The following TUSC3 variants were observed in gnomAD, a reference collection of about 807,000 sequenced individuals.
The protein encoded by TUSC3 is tumor suppressor candidate 3.
Under a neutral mutation model 44.8 loss-of-function variants are expected in TUSC3, and 45 were observed. The observed-to-expected ratio is 1.00, with a 90% CI of 0.79 to 1.29. TUSC3 has a LOEUF of 1.29. Among genes scored for constraint, TUSC3 ranks in the 50% most tolerant of loss-of-function variants. The probability of loss-of-function intolerance (pLI) is 0.00; values close to 1 mark genes in which losing one functional copy is unlikely to be tolerated. For missense variants in TUSC3, 519 were observed against 437.9 expected (o/e 1.19, Z -1.65); for synonymous variants, 212 against 152.9 (o/e 1.39, Z -2.85).
the TUSC3 span, among the ~76,000 whole-genome samples, chr8:15,850,367 A>G: frequency 0.93 from 141,838 of 152,222 alleles, 66,245 homozygotes; most frequent in Non-Finnish European, 0.97. Context: ...ATAGTTGATT[A>G]TATAAATGGC....
intron 1 of TUSC3, among the ~76,000 whole-genome samples, chr8:15,607,274 C>A (rs758141258): frequency 6.6e-6 from 1 of 151,978 alleles, no homozygotes; most frequent in South Asian, 2.1e-4. Context: ...AGGCAGGCAC[C>A]GGCCTGGTCA....
intron 10 of TUSC3, among the ~76,000 whole-genome samples, chr8:15,762,138 T>G (rs1308461338): frequency 6.6e-6 from 1 of 151,864 alleles, no homozygotes; most frequent in Non-Finnish European, 1.5e-5. Flanking sequence ...TCAGAAACGT[T>G]TTAACCAGTC....
intron 7 of TUSC3, among the ~76,000 whole-genome samples, chr8:15,742,078 A>G (rs168474): frequency 0.43 from 64,943 of 152,018 alleles, 14,367 homozygotes; most frequent in East Asian, 0.66. Flanking sequence ...TACCATACTG[A>G]TGATACAAAA....
intron 7 of TUSC3, chr8:15,743,320 AAT>A: frequency 1.8e-6 from 1 of 554,726 alleles, no homozygotes; most frequent in East Asian, 3.1e-5. Context: ...TTAGCCTCTC[AAT>A]ATATCACAAA....
At chr8:15,425,409 G>C (rs1295996655) in intron 1 of TUSC3, among the ~76,000 whole-genome samples, 3 of 152,188 alleles carry the variant, frequency 2.0e-5, no homozygotes, top group Non-Finnish European at 4.4e-5. Flanking sequence ...CCTGAAAGAA[G>C]TGCCATAATC....
At chr8:15,611,272 C>T (rs543100321) in intron 1 of TUSC3, among the ~76,000 whole-genome samples, 92 of 152,182 alleles carry the variant, frequency 6.0e-4, no homozygotes, top group Middle Eastern at 3.4e-3. Flanking sequence ...CTGCAAATCC[C>T]GCCTCCCAGG....
intron 1 of TUSC3, among the ~76,000 whole-genome samples, chr8:15,457,368 T>G (rs774313899): frequency 6.6e-6 from 1 of 151,730 alleles, no homozygotes; most frequent in Non-Finnish European, 1.5e-5. Context: ...AGTAGACTTT[T>G]CTGAAGAGAA....
chr8:15,438,464 C>T (rs552635578), intron 1 of TUSC3, among the ~76,000 whole-genome samples: 4 of 152,216 alleles, frequency 2.6e-5, no homozygotes, highest in Admixed American at 1.3e-4. Context: ...AGTCCTGGAA[C>T]CTTAATAATT....
At chr8:15,788,128 A>G in the TUSC3 span, among the ~76,000 whole-genome samples, 1 of 152,158 alleles carries the variant, frequency 6.6e-6, no homozygotes, top group African/African-American at 2.4e-5. Context: ...AGGACTTTTG[A>G]AAACCAGACA....
At chr8:15,535,600 A>G (rs1290510633), upstream of TUSC3, among the ~76,000 whole-genome samples, 1 of 152,198 alleles carries the variant, frequency 6.6e-6, no homozygotes, top group Non-Finnish European at 1.5e-5. Flanking sequence ...TGAGTCAGCT[A>G]GTGATGGATG....
At chr8:15,570,033 ATATT>A (rs1385808853) in intron 1 of TUSC3, among the ~76,000 whole-genome samples, 1 of 152,084 alleles carries the variant, frequency 6.6e-6, no homozygotes, top group African/African-American at 2.4e-5. Flanking sequence ...GATCCTATAT[ATATT>A]GATGGAAAAT....
At chr8:15,633,742 G>A (rs560364869) in intron 2 of TUSC3, among the ~76,000 whole-genome samples, 2 of 152,292 alleles carry the variant, frequency 1.3e-5, no homozygotes, top group South Asian at 2.1e-4. Context: ...GGCAAGGAAA[G>A]ATTCTCCCCT....
intron 1 of TUSC3, among the ~76,000 whole-genome samples, chr8:15,459,828 C>A (rs1053990783): frequency 5.5e-4 from 82 of 148,582 alleles, no homozygotes; most frequent in African/African-American, 2.1e-3. Context: ...AAGTAGTATT[C>A]CATTTGTGTG....
intron 6 of TUSC3, among the ~76,000 whole-genome samples, chr8:15,727,912 A>T (rs532084010): frequency 2.6e-5 from 4 of 152,286 alleles, no homozygotes; most frequent in Non-Finnish European, 5.9e-5. Flanking sequence ...ATTGAGGTTA[A>T]GTAGTTTGTT....
the TUSC3 span, among the ~76,000 whole-genome samples, chr8:15,807,687 A>G: frequency 6.6e-6 from 1 of 152,190 alleles, no homozygotes; most frequent in Non-Finnish European, 1.5e-5. Flanking sequence ...ACACCATACA[A>G]AAGAACAAAA....
In TUSC3 at chr8:15,504,604, TA is replaced by T. The variant is rs1563268547; in HGVS notation, n.189+21122del. Among the ~76,000 whole-genome samples the T allele has an allele frequency of 5.1e-3, 202 of 39,726 alleles. 2 individuals carry two copies. Among genetic ancestry groups the T allele is most frequent in the African/African-American group, 0.025 (175 of 6,934 alleles). 26.1% of individuals were successfully genotyped at this position (39,726 alleles called of 152,430 possible). ...ATATATATATATATATATATATATA[TA>T]TATATATATATATATATTTTTTTTT... is the stretch of plus-strand genomic sequence containing the variant. On this transcript the variant is annotated intron_variant and non_coding_transcript_variant, in intron 2 of 5. Coordinates refer to the TUSC3 transcript ENST00000503191.
intron 2 of TUSC3, among the ~76,000 whole-genome samples, chr8:15,488,925 A>G (rs1292732814): frequency 6.6e-6 from 1 of 152,216 alleles, no homozygotes; most frequent in Non-Finnish European, 1.5e-5. Flanking sequence ...TCAAATGGGA[A>G]TATGAATAAG....
chr8:15,458,524 C>T (rs1316126420), intron 1 of TUSC3, among the ~76,000 whole-genome samples: 2 of 152,124 alleles, frequency 1.3e-5, no homozygotes, highest in East Asian at 1.9e-4. Context: ...CAGGTGGAAG[C>T]CACTGAGCCC....
chr8:15,519,680 A>C (rs1296011137), intron 2 of TUSC3, among the ~76,000 whole-genome samples: 1 of 152,144 alleles, frequency 6.6e-6, no homozygotes, highest in Non-Finnish European at 1.5e-5. Flanking sequence ...CTGCATCCCC[A>C]CCATCCGTGG....
Sources: gnomAD v4.1 joint callset for allele counts (sites outside exome capture counted in the v4.1 genomes callset) on GRCh38, gnomAD v4.1.1 for gene constraint, MANE v1.5 for transcripts, NCBI Gene and HGNC (gene_info 2026-07-23, HGNC 2026-07-21) for gene names.